Variants in HADH observed in about 807,000 individuals in gnomAD.
HADH encodes the protein hydroxyacyl-CoA dehydrogenase, also known as hydroxyacyl-coenzyme A dehydrogenase, mitochondrial.
In HADH, 24 loss-of-function variants were observed where a neutral mutation model predicts 32.2. That is an observed-to-expected ratio of 0.75 (90% CI 0.54 to 1.05). The LOEUF (loss-of-function observed/expected upper bound fraction) is 1.05. Among genes scored for constraint, HADH ranks in the 50% least tolerant of loss-of-function variants. HADH has a pLI of 0.00. For missense variants in HADH, 350 were observed against 397.1 expected (o/e 0.88, Z 1.01); for synonymous variants, 139 against 152.5 (o/e 0.91, Z 0.65).
At position 108,014,431 on chromosome 4, in the gene HADH, G is replaced by T; in HGVS notation, c.262G>T (p.Ala88Ser). 1 of 1,614,082 alleles carries T rather than the reference G, an allele frequency of 6.2e-7. No homozygotes were observed. Among genetic ancestry groups the T allele is most frequent in the African/African-American group, 1.3e-5 (1 of 75,020 alleles). ...AKKKFAENLKAGDEFVEKTLS... is the reference protein window; with the variant it reads ...AKKKFAENLKSGDEFVEKTLS... The stretch of plus-strand genomic sequence containing the variant: ...TCTCTTCTTCCTCCCACTGCATTAG[G>T]CCGGCGATGAATTTGTGGAGAAGAC... The change falls in exon 3 of 8, where the codon GCC (alanine) becomes TCC (serine). Residue 88 changes from alanine to serine, a missense_variant and splice_region_variant. Physicochemically the swap from Ala to Ser is moderately conservative, Grantham distance 99. Coordinates refer to ENST00000309522, the MANE Select transcript of HADH (RefSeq NM_005327.7).
At chr4:108,011,923 G>A (rs896340154) in intron 2 of HADH, among the ~76,000 whole-genome samples, 1 of 151,980 alleles carries the variant, frequency 6.6e-6, no homozygotes, top group Non-Finnish European at 1.5e-5. Flanking sequence ...ATGAGGTCTT[G>A]CTCTGCTACC....
chr4:108,033,218 G>C lies in HADH; in HGVS notation c.752G>C (p.Gly251Ala). ...GACATTGACACTGCTATGAAATTAGGAGCCGGTTACCCCATGGGCCCATTT... is the reference window on the plus strand; with the variant it reads ...GACATTGACACTGCTATGAAATTAGCAGCCGGTTACCCCATGGGCCCATTT... The part of the protein sequence containing the change: ...KEDIDTAMKL[G>A]AGYPMGPFEL... The change falls in exon 7 of 8, where the codon GGA (glycine) becomes GCA (alanine). Residue 251 changes from glycine to alanine, a missense_variant. Transcript: ENST00000309522. 1 of 1,611,198 alleles carries C rather than the reference G, an allele frequency of 6.2e-7. No homozygotes were observed. Among genetic ancestry groups the C allele is most frequent in the South Asian group, 1.1e-5 (1 of 91,012 alleles).
intron 1 of HADH, among the ~76,000 whole-genome samples, chr4:108,006,405 A>G (rs1304680090): frequency 6.6e-6 from 1 of 152,144 alleles, no homozygotes; most frequent in East Asian, 1.9e-4. Context: ...AAAAATAGCA[A>G]TGACTAGGCA....
intron 6 of HADH, chr4:108,030,645 T>A (rs1432130179): frequency 6.6e-6 from 1 of 152,168 alleles, no homozygotes; most frequent in Non-Finnish European, 1.5e-5. Flanking sequence ...TTGTCTGGAG[T>A]TAGGGGCTCT....
intron 1 of HADH, among the ~76,000 whole-genome samples, chr4:108,007,779 T>G (rs1306695882): frequency 6.6e-6 from 1 of 152,214 alleles, no homozygotes; most frequent in Non-Finnish European, 1.5e-5. Flanking sequence ...ATTAAGCATC[T>G]AATATGTACC....
chr4:108,014,308 G>T, intron 2 of HADH, 123 bp from the exon 3 acceptor site: 1 of 1,000,398 alleles, frequency 1.0e-6, no homozygotes, highest in Non-Finnish European at 1.6e-6. Context: ...TTTGAGAACA[G>T]ATAGGGTAGG....
intron 1 of HADH, among the ~76,000 whole-genome samples, chr4:107,996,636 G>A (rs529823415): frequency 6.6e-6 from 1 of 152,362 alleles, no homozygotes; most frequent in South Asian, 2.1e-4. Context: ...GCTTACGCCT[G>A]TAATCCCATC....
intron 7 of HADH, 72 bp downstream of exon 7, chr4:108,033,364 A>T (rs7441789): frequency 1.4e-5 from 12 of 848,848 alleles, no homozygotes; most frequent in East Asian, 2.4e-5. Flanking sequence ...ATGCCTTTTT[A>T]AAAAAAGTTA....
Position 108,009,891 on chromosome 4 carries a change from A to C in HADH, c.261+4A>C, listed in dbSNP as rs1299029222. 6.3e-7 allele frequency: 1 copy of C among 1,596,136 alleles called. No individual in the cohort carries two copies. The highest frequency in any genetic ancestry group is 1.3e-5 in the African/African-American group (1 of 74,518). ...GAAGTTTGCAGAAAACCTTAAGGTA[A>C]TTTCTTATTATCGATGTCTTCAAGA... On this transcript the variant is annotated splice_donor_region_variant and intron_variant, in intron 2 of 7. Transcript: ENST00000309522.
At chr4:108,010,232 C>T (rs928281647) in intron 2 of HADH, among the ~76,000 whole-genome samples, 2 of 151,954 alleles carry the variant, frequency 1.3e-5, no homozygotes, top group African/African-American at 4.8e-5. Context: ...GAAGAAGAAA[C>T]AGGAAGATAA....
At chr4:108,032,753 C>T (rs919656053) in intron 6 of HADH, 64 of 325,170 alleles carry the variant, frequency 2.0e-4, no homozygotes, top group African/African-American at 1.2e-3. Context: ...GAAGCTGAGA[C>T]GGGAGGATCA....
intron 3 of HADH, among the ~76,000 whole-genome samples, chr4:108,018,793 T>G (rs1250022343): frequency 6.6e-6 from 1 of 152,196 alleles, no homozygotes; most frequent in Non-Finnish European, 1.5e-5. Flanking sequence ...CAGGAAAGCC[T>G]GGAAGTCAAC....
chr4:108,011,718 A>G (rs577840134), intron 2 of HADH, among the ~76,000 whole-genome samples: 2 of 152,296 alleles, frequency 1.3e-5, no homozygotes, highest in East Asian at 3.9e-4. Flanking sequence ...CTGAGGAACC[A>G]CCAAATTGTT....
intron 6 of HADH, chr4:108,029,221 A>G (rs1736172610): frequency 3.8e-6 from 1 of 260,834 alleles, no homozygotes; most frequent in East Asian, 6.6e-5. Context: ...TGCTCAGAGC[A>G]TGCCCACCGT....
intron 6 of HADH, chr4:108,032,357 GT>G (rs763365833): frequency 6.2e-7 from 1 of 1,601,240 alleles, no homozygotes; most frequent in Non-Finnish European, 8.5e-7. Context: ...TCTAACTCGG[GT>G]TTGGGCTTTT....
intron 7 of HADH, 80 bp downstream of exon 7, chr4:108,033,372 T>G: frequency 2.5e-6 from 2 of 813,350 alleles, no homozygotes; most frequent in East Asian, 4.9e-5. Flanking sequence ...TTAAAAAAAG[T>G]TAGCAGGGGT....
In HADH at chr4:107,990,214, G is replaced by A. The variant is rs1176589783; in HGVS notation, c.132+150G>A. On this transcript the variant is annotated intron_variant, in intron 1 of 7. Coordinates refer to ENST00000309522, the MANE Select transcript of HADH (RefSeq NM_005327.7). ...CCCGGGTGTAGTTGAAATATCTCGC[G>A]TCTGGGCCTGTGAGGGCCCAAGTCT... 3 of 806,492 alleles carry A rather than the reference G, an allele frequency of 3.7e-6. No individual in the cohort carries two copies. The Admixed American group carries it at 8.1e-5, about 22-fold the overall frequency. The allele number at this position is 806,492 out of a possible 1,614,324, so 50.0% of individuals were successfully genotyped here. A position where few individuals can be genotyped will look rare whatever the true frequency, so the allele number is the denominator to read the frequency against.
At chr4:108,008,286 C>T (rs376685352) in intron 1 of HADH, among the ~76,000 whole-genome samples, 1 of 152,240 alleles carries the variant, frequency 6.6e-6, no homozygotes, top group East Asian at 1.9e-4. Flanking sequence ...TTGCCCAGTC[C>T]TGGTTGTCAG....
chr4:108,028,021 G>C (rs1413962415), intron 6 of HADH: 3 of 558,876 alleles, frequency 5.4e-6, no homozygotes, highest in Non-Finnish European at 9.6e-6. Context: ...CAGAGCAATT[G>C]CATGGCCGGC....
Sources: allele counts gnomAD v4.1 joint callset (sites outside exome capture counted in the v4.1 genomes callset), GRCh38; gene constraint gnomAD v4.1.1; transcripts MANE v1.5; gene names NCBI Gene and HGNC (gene_info 2026-07-23, HGNC 2026-07-21).